The following FUT8 variants were observed in gnomAD, a reference collection of about 807,000 sequenced individuals.
FUT8 encodes alpha-(1,6)-fucosyltransferase.
Under a neutral mutation model 71.3 loss-of-function variants are expected in FUT8, and 29 were observed. That is an observed-to-expected ratio of 0.41 (90% CI 0.30 to 0.55). The LOEUF is 0.55. FUT8 is among the 20% of genes least tolerant of loss of function. The pLI is 0.34. For synonymous variants in FUT8, 254 were observed against 239.3 expected (o/e 1.06, Z -0.57); for missense variants, 544 against 702.1 (o/e 0.77, Z 2.55).
the FUT8 span, among the ~76,000 whole-genome samples, chr14:65,364,330 A>G: frequency 3.3e-5 from 5 of 152,104 alleles, no homozygotes; most frequent in African/African-American, 1.2e-4. Flanking sequence ...TCGACTCCCA[A>G]GTAGCTGGGA....
chr14:65,441,262 G>A (rs1266232530), intron 1 of FUT8, among the ~76,000 whole-genome samples: 1 of 152,086 alleles, frequency 6.6e-6, no homozygotes, highest in Non-Finnish European at 1.5e-5. Flanking sequence ...GAAGAGATTA[G>A]GGTTGTTGAA....
intron 2 of FUT8, among the ~76,000 whole-genome samples, chr14:65,529,851 T>C (rs1317905535): frequency 6.6e-6 from 1 of 152,228 alleles, no homozygotes; most frequent in Admixed American, 6.5e-5. Flanking sequence ...CCCTCATTTC[T>C]AAGATGGACC....
intron 6 of FUT8, among the ~76,000 whole-genome samples, chr14:65,654,848 TAAGAA>T (rs751846123): frequency 6.6e-6 from 1 of 151,748 alleles, no homozygotes; most frequent in Non-Finnish European, 1.5e-5. Flanking sequence ...ACATACCAGT[TAAGAA>T]AGAGAGAAAA....
intron 5 of FUT8, among the ~76,000 whole-genome samples, chr14:65,619,503 G>C (rs1211220943): frequency 6.6e-6 from 1 of 152,118 alleles, no homozygotes; most frequent in Admixed American, 6.5e-5. Flanking sequence ...ACTCACCTGA[G>C]ATTTTTAGCA....
chr14:65,506,612 C>A (rs2066738587), intron 2 of FUT8, among the ~76,000 whole-genome samples: 1 of 152,046 alleles, frequency 6.6e-6, no homozygotes. Context: ...AATTGTACTA[C>A]TTATTGATTT....
chr14:65,735,035 A>G (rs1401242404), intron 10 of FUT8, among the ~76,000 whole-genome samples: 1 of 152,154 alleles, frequency 6.6e-6, no homozygotes, highest in South Asian at 2.1e-4. Context: ...TGAGAACTAC[A>G]GTTCTAGTCA....
chr14:65,568,693 T>C (rs931450471), intron 3 of FUT8, among the ~76,000 whole-genome samples: 1 of 151,638 alleles, frequency 6.6e-6, no homozygotes, highest in Non-Finnish European at 1.5e-5. Context: ...TGACTTATGT[T>C]GTTGAATGCT....
At chr14:65,402,196 A>ATTT in the FUT8 span, among the ~76,000 whole-genome samples, 2 of 75,830 alleles carry the variant, frequency 2.6e-5, no homozygotes, top group African/African-American at 1.0e-4. Flanking sequence ...ATGGAGTGTG[A>ATTT]TTTTTTTTTT....
intron 7 of FUT8, among the ~76,000 whole-genome samples, chr14:65,695,322 T>C (rs1196246300): frequency 2.6e-5 from 4 of 152,234 alleles, no homozygotes; most frequent in East Asian, 1.9e-4. Context: ...TTTTACCTTA[T>C]GTATTTTGAC....
chr14:65,437,829 G>C (rs1184073261), intron 1 of FUT8, among the ~76,000 whole-genome samples: 1 of 152,166 alleles, frequency 6.6e-6, no homozygotes, highest in Non-Finnish European at 1.5e-5. Context: ...GGAGTAGGGA[G>C]TAAAGAAGAG....
chr14:65,489,649 G>A lies in FUT8; in HGVS notation c.-228+33931G>A, dbSNP rs549974244. ...AACATAAAAATGAGTCTTAAAATAT[G>A]TATAGCTTCATTTGTGTTGATTGAT... On this transcript the variant is annotated intron_variant, in intron 2 of 10. Transcript: ENST00000673929. This position sits in a 1 kb window ranked among gnomAD's most constrained non-coding sequence, Gnocchi z 4.0. 2.6e-5 allele frequency among the ~76,000 whole-genome samples: 4 copies of A among 152,194 alleles called. No homozygotes were observed. The South Asian group carries it at 6.2e-4, about 24-fold the overall frequency.
At position 65,574,428 on chromosome 14, in the gene FUT8, C is replaced by T. The variant is rs1052695903; in HGVS notation, c.203+12662C>T. ...GGCATCCTACAGTCAACCACCACAG[C>T]AGGGATCATGTGTTTTTAACATGTT... On this transcript the variant is annotated intron_variant, in intron 3 of 10. Transcript: ENST00000673929. The surrounding 1 kb of genome is among the most constrained non-coding windows in gnomAD (Gnocchi z 5.2). 6.6e-5 allele frequency among the ~76,000 whole-genome samples: 10 copies of T among 152,074 alleles called. No homozygotes were observed. Among genetic ancestry groups the T allele is most frequent in the African/African-American group, 2.4e-4 (10 of 41,380 alleles).
chr14:65,382,867 C>T, the FUT8 span, among the ~76,000 whole-genome samples: 6 of 152,246 alleles, frequency 3.9e-5, no homozygotes, highest in African/African-American at 1.4e-4. Context: ...ATCTCACTTT[C>T]TATGTGGTCC....
intron 2 of FUT8, among the ~76,000 whole-genome samples, chr14:65,539,345 T>C (rs1207233903): frequency 1.3e-5 from 2 of 152,244 alleles, no homozygotes. Flanking sequence ...CGTGTTTCTT[T>C]GATTCATTTG....
At position 65,616,072 on chromosome 14, in the gene FUT8, T is replaced by C. The variant is rs1594821210; in HGVS notation, c.298T>C (p.Tyr100His). The C allele has an allele frequency of 3.7e-6, 6 of 1,613,886 alleles. No homozygotes were observed. The highest frequency in any genetic ancestry group is 1.1e-5 in the South Asian group (1 of 91,066). ...TAAGGCCAAAGAACAGATTGAAAAT[T>C]ACAAGAAACAGACCAGAAATGGTAG... Reference protein sequence around the residue: ...LVKAKEQIENYKKQTRNGLGK... With the variant: ...LVKAKEQIENHKKQTRNGLGK... Residue 100 changes from tyrosine to histidine, a missense_variant, in exon 4 of 11, where the codon TAC (tyrosine) becomes CAC (histidine). By Grantham distance (83) the Tyr-to-His change is moderately conservative (BLOSUM62 2). Coordinates refer to ENST00000673929, the MANE Select transcript of FUT8 (RefSeq NM_001371533.1).
chr14:65,359,088 C>G, the FUT8 span, among the ~76,000 whole-genome samples: 3 of 152,036 alleles, frequency 2.0e-5, no homozygotes, highest in African/African-American at 7.2e-5. Context: ...TATTAAGAAC[C>G]AATCTTTTCT....
intron 3 of FUT8, among the ~76,000 whole-genome samples, chr14:65,599,298 A>T (rs1054931798): frequency 6.6e-6 from 1 of 152,222 alleles, no homozygotes; most frequent in South Asian, 2.1e-4. Context: ...ACTAAAACTC[A>T]TTGAGCATTA....
intron 1 of FUT8, among the ~76,000 whole-genome samples, chr14:65,423,731 A>G (rs1321372900): frequency 6.6e-6 from 1 of 152,176 alleles, no homozygotes; most frequent in Admixed American, 6.5e-5. Context: ...TTCGCCTTCC[A>G]TTTGTTTTAA....
At chr14:65,437,507 C>T (rs978963485) in intron 1 of FUT8, among the ~76,000 whole-genome samples, 3 of 152,124 alleles carry the variant, frequency 2.0e-5, no homozygotes, top group Admixed American at 6.5e-5. Flanking sequence ...CTGCCATCTC[C>T]ATGTCATGCT....
Sources: gnomAD v4.1 joint callset for allele counts (sites outside exome capture counted in the v4.1 genomes callset) on GRCh38, gnomAD v4.1.1 for gene constraint, Gnocchi (gnomAD v3.1) non-coding constraint, MANE v1.5 for transcripts, NCBI Gene and HGNC (gene_info 2026-07-23, HGNC 2026-07-21) for gene names.